The following EPS8L2 variants were observed in gnomAD, a reference collection of about 807,000 sequenced individuals.
EPS8L2 encodes the protein epidermal growth factor receptor kinase substrate 8-like protein 2.
In EPS8L2, 81 loss-of-function variants were observed where a neutral mutation model predicts 99.4. That is an observed-to-expected ratio of 0.82 (90% CI 0.68 to 0.98). The LOEUF (loss-of-function observed/expected upper bound fraction) is 0.98, where lower values mean the gene tolerates loss of function less well. EPS8L2 is among the 50% of genes least tolerant of loss of function. The pLI is 0.00. For missense variants in EPS8L2, 1,155 were observed against 968.8 expected, an observed-to-expected ratio of 1.19 and a Z score of -2.55; for synonymous variants, 509 against 407.3, an observed-to-expected ratio of 1.25 and a Z score of -3.01.
At chr11:714,713 G>A (rs529443544) in intron 4 of EPS8L2, among the ~76,000 whole-genome samples, 4 of 148,528 alleles carry the variant, frequency 2.7e-5, no homozygotes, top group African/African-American at 1.0e-4. Context: ...GGACCACACT[G>A]ATTGACTGTT....
chr11:724,975 C>G lies in EPS8L2; in HGVS notation c.1560+146C>G. The G allele has an allele frequency of 1.5e-6, 1 of 658,500 alleles. No homozygotes were observed. Among genetic ancestry groups the G allele is most frequent in the Non-Finnish European group, 2.7e-6 (1 of 372,162 alleles). 40.8% of individuals were successfully genotyped at this position (658,500 alleles called of 1,614,324 possible). On this transcript the variant is annotated intron_variant, in intron 16 of 20. Transcript: ENST00000318562. This position sits in a 1 kb window ranked among gnomAD's most constrained non-coding sequence, Gnocchi z 5.5. The stretch of plus-strand genomic sequence containing the variant: ...GCTGCTGGCCCCTTTCTCCAGGGTC[C>G]CCGCCCTTGGACTCTGATCAGGATC...
At chr11:712,057 G>A (rs1230578020) in intron 4 of EPS8L2, among the ~76,000 whole-genome samples, 3 of 151,822 alleles carry the variant, frequency 2.0e-5, no homozygotes, top group South Asian at 4.1e-4. Context: ...AGGCCGAGGC[G>A]GGTGGATCAC....
chr11:719,281 G>A (rs1862095560), intron 4 of EPS8L2, among the ~76,000 whole-genome samples: 3 of 152,208 alleles, frequency 2.0e-5, no homozygotes, highest in Admixed American at 2.0e-4. Context: ...AAACTTTTAT[G>A]TTTTGCGTTT....
chr11:725,816 G>C lies in EPS8L2; in HGVS notation c.1649G>C (p.Arg550Pro), dbSNP rs1862299046. ...CCCTGCAACATCCTAGGCGAGGCGCGACCGGAGGACGCCGGCGCCCCGTTC... is the reference window on the plus strand; with the variant it reads ...CCCTGCAACATCCTAGGCGAGGCGCCACCGGAGGACGCCGGCGCCCCGTTC... ...YVPCNILGEA[R>P]PEDAGAPFEQ... Residue 550 changes from arginine (R) to proline (P), a missense_variant, in exon 17 of 21, where the codon CGA (arginine) becomes CCA (proline). Transcript: ENST00000318562. The C allele has an allele frequency of 1.4e-6, 2 of 1,386,412 alleles. No individual in the cohort carries two copies. Among genetic ancestry groups the C allele is most frequent in the Non-Finnish European group, 1.9e-6 (2 of 1,075,352 alleles). The allele number at this position is 1,386,412 out of a possible 1,614,324, so 85.9% of individuals were successfully genotyped here. A position where few individuals can be genotyped will look rare whatever the true frequency, so the allele number is the denominator to read the frequency against.
chr11:710,273 T>A (rs1861849832), intron 3 of EPS8L2, 149 bp from the exon 4 acceptor site: 1 of 714,230 alleles, frequency 1.4e-6, no homozygotes, highest in Admixed American at 2.3e-5. Flanking sequence ...AGGTCCTGAT[T>A]TCACACCCAC....
At chr11:707,175 T>C (rs1236015642) in intron 1 of EPS8L2, among the ~76,000 whole-genome samples, 1 of 151,956 alleles carries the variant, frequency 6.6e-6, no homozygotes. Context: ...CCGGGCCTGC[T>C]TAGCACCCAG....
chr11:723,731 G>A (rs990352230), intron 15 of EPS8L2, among the ~76,000 whole-genome samples: 1 of 152,074 alleles, frequency 6.6e-6, no homozygotes, highest in Non-Finnish European at 1.5e-5. Flanking sequence ...GGAGACTGGG[G>A]TTCTGGGCTA....
At chr11:726,536 G>A (rs1161459675) in intron 19 of EPS8L2, 52 bp downstream of exon 19, 4 of 1,510,302 alleles carry the variant, frequency 2.6e-6, no homozygotes, top group Non-Finnish European at 3.5e-6. Flanking sequence ...TGGGAGGTGC[G>A]GCCGAAGGTG....
intron 15 of EPS8L2, 24 bp downstream of exon 15, chr11:723,377 A>G: frequency 1.8e-6 from 2 of 1,113,152 alleles, no homozygotes; most frequent in Non-Finnish European, 2.6e-6. Flanking sequence ...AAAGTGAGGG[A>G]GCATGAAAGT....
chr11:722,461 C>G lies in EPS8L2; in HGVS notation c.1120C>G (p.Arg374Gly), dbSNP rs755995594. Residue 374 changes from arginine to glycine, a missense_variant, in exon 13 of 21, where the codon CGA (arginine) becomes GGA (glycine). Coordinates refer to ENST00000318562, the MANE Select transcript of EPS8L2 (RefSeq NM_022772.4). The part of the protein sequence containing the change: ...ARSVSCPLLS[R>G]DAVDFLRGHL... ...CTCCGTCTCCTGCCCACTGCTCTCC[C>G]GAGATGCCGTGGACTTCCTGCGCGG... 1 of 1,613,552 alleles carries G rather than the reference C, an allele frequency of 6.2e-7. No homozygotes were observed.
intron 4 of EPS8L2, among the ~76,000 whole-genome samples, chr11:716,619 T>C (rs1174087210): frequency 6.6e-6 from 1 of 152,226 alleles, no homozygotes; most frequent in African/African-American, 2.4e-5. Flanking sequence ...TACATTCTCC[T>C]TGCAGCACTG....
chr11:720,319 G>T, intron 5 of EPS8L2, 96 bp downstream of exon 5: 1 of 1,365,462 alleles, frequency 7.3e-7, no homozygotes, highest in South Asian at 1.3e-5. Flanking sequence ...CCTCTCTGCA[G>T]GGCCGGCCAT....
At chr11:714,698 G>A (rs1184520624) in intron 4 of EPS8L2, among the ~76,000 whole-genome samples, 1 of 147,326 alleles carries the variant, frequency 6.8e-6, no homozygotes, top group Non-Finnish European at 1.5e-5. Flanking sequence ...CAGTCTCAAT[G>A]TACTGGACCA....
Position 709,349 on chromosome 11 carries a change from C to T in EPS8L2, c.-59C>T. The T allele has an allele frequency of 6.5e-7, 1 of 1,543,544 alleles. No individual in the cohort carries two copies. Among genetic ancestry groups the T allele is most frequent in the Non-Finnish European group, 8.8e-7 (1 of 1,141,986 alleles). ...ACCCAGGTGTGGGACAGGCACTGGCCTCAGACCGGGGCCACACTGAGGTCT... is the reference window on the plus strand; with the variant it reads ...ACCCAGGTGTGGGACAGGCACTGGCTTCAGACCGGGGCCACACTGAGGTCT... On this transcript the variant is annotated 5_prime_UTR_variant, in exon 2 of 21. Coordinates refer to ENST00000318562, the MANE Select transcript of EPS8L2 (RefSeq NM_022772.4).
chr11:719,904 A>C (rs1381496318), intron 4 of EPS8L2, among the ~76,000 whole-genome samples, 158 bp from the exon 5 acceptor site: 2 of 152,090 alleles, frequency 1.3e-5, no homozygotes, highest in Non-Finnish European at 2.9e-5. Flanking sequence ...CCAAGGCAGA[A>C]TAGAGACTCC....
chr11:709,185 G>GGGGCCAACTGGGATGTC (rs1257271827), intron 1 of EPS8L2, 145 bp from the exon 2 acceptor site: 24 of 607,468 alleles, frequency 4.0e-5, no homozygotes, highest in Non-Finnish European at 5.8e-5. Flanking sequence ...ACTGGGACGT[G>GGGGCCAACTGGGATGTC]GGGCCAACTG....
chr11:727,256 G>T lies in EPS8L2; in HGVS notation c.*275G>T. Reference sequence around the variant, plus strand: ...TCTTGAGGCCACAGAACTCCCTGGGGCTGGGGCCTCTTTCTCTGGCCTCCC... The same window carrying T: ...TCTTGAGGCCACAGAACTCCCTGGGTCTGGGGCCTCTTTCTCTGGCCTCCC... On this transcript the variant is annotated 3_prime_UTR_variant, in exon 21 of 21. Coordinates refer to ENST00000318562, the MANE Select transcript of EPS8L2 (RefSeq NM_022772.4). The T allele has an allele frequency of 2.8e-6, 1 of 353,654 alleles. No individual in the cohort carries two copies. The highest frequency in any genetic ancestry group is 3.3e-5 in the South Asian group (1 of 29,870). The allele number at this position is 353,654 out of a possible 1,614,324, so 21.9% of individuals were successfully genotyped here.
rs772241586 is a variant in EPS8L2 at position 724,796 on chromosome 11, C to T, written c.1527C>T (p.Asn509=). 77 of 1,613,430 alleles carry T rather than the reference C, an allele frequency of 4.8e-5. No individual in the cohort carries two copies. The highest frequency in any genetic ancestry group is 6.1e-5 in the Non-Finnish European group (72 of 1,179,898). ...ILYDFTARNA[N]ELSVLKDEVL... Reference sequence around the variant, plus strand: ...ATGACTTCACAGCCCGAAATGCCAACGAGCTATCGGTGCTCAAGGATGAGG... The same window carrying T: ...ATGACTTCACAGCCCGAAATGCCAATGAGCTATCGGTGCTCAAGGATGAGG... The change falls in exon 16 of 21, where the codon AAC becomes AAT. Residue 509 remains asparagine (N), a synonymous_variant. Coordinates refer to ENST00000318562, the MANE Select transcript of EPS8L2 (RefSeq NM_022772.4). This position sits in a 1 kb window ranked among gnomAD's most constrained non-coding sequence, Gnocchi z 5.5.
chr11:723,208 A>G (rs1862236563), intron 14 of EPS8L2, 33 bp from the exon 15 acceptor site: 7 of 1,222,608 alleles, frequency 5.7e-6, no homozygotes, highest in Non-Finnish European at 8.3e-6. Flanking sequence ...GCCCCGCCCC[A>G]TGTCTAACTC....
Sources: allele counts gnomAD v4.1 joint callset (sites outside exome capture counted in the v4.1 genomes callset), GRCh38; gene constraint gnomAD v4.1.1; non-coding constraint Gnocchi (gnomAD v3.1); transcripts MANE v1.5; gene names NCBI Gene and HGNC (gene_info 2026-07-23, HGNC 2026-07-21).